UBR4: variants seen among roughly 807,000 people sequenced by gnomAD.
UBR4 encodes the protein ubiquitin protein ligase E3 component n-recognin 4, also known as E3 ubiquitin-protein ligase UBR4.
A neutral mutation model predicts 575.6 loss-of-function variants in UBR4; 124 were observed. The observed-to-expected ratio is 0.22, with a 90% CI of 0.19 to 0.25. The LOEUF (loss-of-function observed/expected upper bound fraction) is 0.25. Among genes scored for constraint, UBR4 ranks in the 10% least tolerant of loss-of-function variants. The pLI is 1.00. For missense variants in UBR4, 4,818 were observed against 6,478.8 expected (o/e 0.74, Z 8.80); for synonymous variants, 2,455 against 2,473.7 (o/e 0.99, Z 0.22).
At position 19,088,616 on chromosome 1, in the gene UBR4, T is replaced by G. The variant is rs184257706; in HGVS notation, c.14430+143A>C. On this transcript the variant is annotated intron_variant, in intron 98 of 105. Transcript: ENST00000375254. This position sits in a 1 kb window ranked among gnomAD's most constrained non-coding sequence, Gnocchi z 4.0. ...GATAGAACGATAGTAGTTCCACCTC[T>G]GAGAGGGCCGAACACACCTAGTTCC... 5.2e-5 allele frequency: 38 copies of G among 736,830 alleles called. No individual in the cohort carries two copies. In the African/African-American group the frequency reaches 6.4e-4, roughly 12 times the overall value. 45.6% of individuals were successfully genotyped at this position (736,830 alleles called of 1,614,324 possible).
In UBR4 at chr1:19,210,197, T is replaced by G; in HGVS notation, c.52A>C (p.Thr18Pro). 2 of 1,475,398 alleles carry G rather than the reference T, an allele frequency of 1.4e-6. No individual in the cohort carries two copies. Among genetic ancestry groups the G allele is most frequent in the Non-Finnish European group, 1.8e-6 (2 of 1,118,128 alleles). The allele number at this position is 1,475,398 out of a possible 1,614,324, so 91.4% of individuals were successfully genotyped here. Residue 18 changes from threonine (T) to proline (P), a missense_variant, in exon 1 of 106, where the codon ACC (threonine) becomes CCC (proline). Thr to Pro is a conservative substitution (Grantham distance 38, BLOSUM62 -1). Transcript: ENST00000375254. ...EAAAAAPAPGTPATGADTTPG... is the reference protein window; with the variant it reads ...EAAAAAPAPGPPATGADTTPG... ...GTCGTGTCCGCCCCCGTTGCCGGGGTCCCCGGCGCCGGAGCCGCTGCCGCC... is the reference window on the plus strand; with the variant it reads ...GTCGTGTCCGCCCCCGTTGCCGGGGGCCCCGGCGCCGGAGCCGCTGCCGCC...
At chr1:19,195,852 T>C (rs1208329190) in intron 8 of UBR4, among the ~76,000 whole-genome samples, 2 of 152,038 alleles carry the variant, frequency 1.3e-5, no homozygotes, top group African/African-American at 2.4e-5. Context: ...TCTTTAATGG[T>C]CTCTACTATC....
intron 1 of UBR4, among the ~76,000 whole-genome samples, chr1:19,206,670 T>C (rs1171216377): frequency 6.6e-6 from 1 of 152,170 alleles, no homozygotes; most frequent in African/African-American, 2.4e-5. Flanking sequence ...AATATTTTAG[T>C]AGCCTTTACT....
intron 103 of UBR4, 83 bp downstream of exon 103, chr1:19,081,266 C>A (rs754261604): frequency 2.7e-5 from 34 of 1,239,026 alleles, no homozygotes; most frequent in Non-Finnish European, 3.5e-5. Flanking sequence ...ATGCCTTCAC[C>A]TAGCACGTGC....
chr1:19,149,872 A>T (rs748911178), intron 49 of UBR4: 15 of 1,195,958 alleles, frequency 1.3e-5, no homozygotes, highest in African/African-American at 3.2e-5. Context: ...CATCCTAAGC[A>T]AACCATGTAT....
rs1461340666 is a variant in UBR4 at position 19,164,973 on chromosome 1, A to G, written c.4337T>C (p.Leu1446Pro). The G allele has an allele frequency of 1.2e-6, 2 of 1,613,980 alleles. No individual in the cohort carries two copies. Among genetic ancestry groups the G allele is most frequent in the African/African-American group, 1.3e-5 (1 of 74,920 alleles). ...TGCCAGGGAGCCACAGAGATGCAACAGGCTCGGGTTAGGGCTCTTCTCAGC... is the reference window on the plus strand; with the variant it reads ...TGCCAGGGAGCCACAGAGATGCAACGGGCTCGGGTTAGGGCTCTTCTCAGC... ...QLTEKSPNPS[L>P]LHLCGSLAQL... Residue 1446 changes from leucine (L) to proline (P), a missense_variant, in exon 32 of 106, where the codon CTG becomes CCG. This residue lies in a region of UBR4 where 1,172 missense variants were observed against 1,259.7 expected (regional missense o/e 0.93). Coordinates refer to ENST00000375254, the MANE Select transcript of UBR4 (RefSeq NM_020765.3).
In UBR4 at chr1:19,093,012, A is replaced by G. The variant is rs2148872575; in HGVS notation, c.14112-94T>C. Reference sequence around the variant, plus strand: ...TCTGGCTTGTTTAAACCCCCAGGGCATGATTAACCGTGACCCTCTCCGAGT... The same window carrying G: ...TCTGGCTTGTTTAAACCCCCAGGGCGTGATTAACCGTGACCCTCTCCGAGT... On this transcript the variant is annotated intron_variant, in intron 96 of 105. Transcript: ENST00000375254. The surrounding 1 kb of genome is among the most constrained non-coding windows in gnomAD (Gnocchi z 4.8). 1 of 1,153,302 alleles carries G rather than the reference A, an allele frequency of 8.7e-7. No individual in the cohort carries two copies. The highest frequency in any genetic ancestry group is 1.3e-6 in the Non-Finnish European group (1 of 793,656). The allele number at this position is 1,153,302 out of a possible 1,614,324, so 71.4% of individuals were successfully genotyped here.
At chr1:19,169,792 T>C (rs992281687) in intron 26 of UBR4, among the ~76,000 whole-genome samples, 1 of 152,216 alleles carries the variant, frequency 6.6e-6, no homozygotes, top group African/African-American at 2.4e-5. Flanking sequence ...AGAAGACAAC[T>C]GAAAATAAGA....
chr1:19,203,091 A>C (rs2092826588), intron 1 of UBR4, among the ~76,000 whole-genome samples: 1 of 152,028 alleles, frequency 6.6e-6, no homozygotes, highest in South Asian at 2.1e-4. Flanking sequence ...AGAAAAAAAA[A>C]AAGAAAGAAA....
chr1:19,149,634 A>G lies in UBR4; in HGVS notation c.7430+943T>C, dbSNP rs1050938324. 3 of 827,964 alleles carry G rather than the reference A, an allele frequency of 3.6e-6. No homozygotes were observed. The Admixed American group carries it at 1.1e-4, about 29-fold the overall frequency. The allele number at this position is 827,964 out of a possible 1,614,324, so 51.3% of individuals were successfully genotyped here. ...ACATGGACAGCTCTGTAGCCATGCAATGACCAGAACAGAAAGAAGCAGGAA... is the reference window on the plus strand; with the variant it reads ...ACATGGACAGCTCTGTAGCCATGCAGTGACCAGAACAGAAAGAAGCAGGAA... On this transcript the variant is annotated intron_variant, in intron 49 of 105. Transcript: ENST00000375254.
chr1:19,130,974 T>C (rs2082354884), intron 60 of UBR4, among the ~76,000 whole-genome samples: 1 of 152,038 alleles, frequency 6.6e-6, no homozygotes, highest in Non-Finnish European at 1.5e-5. Flanking sequence ...AGTGGCACAA[T>C]CACAGCTCCG....
chr1:19,186,595 G>A lies in UBR4; in HGVS notation c.1695C>T (p.Asp565=). Residue 565 remains aspartate, a synonymous_variant, in exon 14 of 106, where the codon GAC becomes GAT. Transcript: ENST00000375254. ...SMSSDASAST[D]SNTYYEDDFS... ...AATCGTCCTCATAGTAAGTATTGGAGTCGGTGGAGGCGCTGGCATCGCTGC... is the reference window on the plus strand; with the variant it reads ...AATCGTCCTCATAGTAAGTATTGGAATCGGTGGAGGCGCTGGCATCGCTGC... 6.2e-7 allele frequency: 1 copy of A among 1,614,176 alleles called. No homozygotes were observed. The highest frequency in any genetic ancestry group is 8.5e-7 in the Non-Finnish European group (1 of 1,180,026).
intron 60 of UBR4, among the ~76,000 whole-genome samples, chr1:19,132,605 T>TAAAAAA: frequency 0.16 from 3,819 of 23,552 alleles, 427 homozygotes; most frequent in Non-Finnish European, 0.18. Context: ...TAAAAAATGG[T>TAAAAAA]AAAAAAAAAA....
chr1:19,113,686 C>G lies in UBR4; in HGVS notation c.11457+13G>C. The G allele has an allele frequency of 6.2e-7, 1 of 1,613,934 alleles. No homozygotes were observed. Among genetic ancestry groups the G allele is most frequent in the Non-Finnish European group, 8.5e-7 (1 of 1,179,976 alleles). ...GGACAAAACACACCCAAAAGCTGCT[C>G]CCCGCTCTCTACCTGGATGATTTTG... On this transcript the variant is annotated intron_variant, in intron 77 of 105. Transcript: ENST00000375254.
chr1:19,155,018 G>C lies in UBR4; in HGVS notation c.6358C>G (p.Gln2120Glu). 6.2e-7 allele frequency: 1 copy of C among 1,614,172 alleles called. No individual in the cohort carries two copies. Among genetic ancestry groups the C allele is most frequent in the South Asian group, 1.1e-5 (1 of 91,082 alleles). ...TGACAATAGCTGAAGAACAACATCT[G>C]CAACACGTGGGAGTAGTACACGGAC... ...GVSVYYSHVL[Q>E]MLFFSYCQGK... The change falls in exon 44 of 106, where the codon CAG becomes GAG. Residue 2120 changes from glutamine (Q) to glutamate (E), a missense_variant. Gln to Glu is a conservative substitution (Grantham distance 29). Transcript: ENST00000375254.
intron 69 of UBR4, 50 bp from the exon 70 acceptor site, chr1:19,119,751 C>T (rs770866095): frequency 4.4e-6 from 7 of 1,577,064 alleles, no homozygotes; most frequent in East Asian, 2.3e-5. Context: ...AACCCTGAGG[C>T]ACCTGTGTTT....
Position 19,094,113 on chromosome 1 carries a change from C to T in UBR4, c.13773G>A (p.Lys4591=), listed in dbSNP as rs1570375478. The T allele has an allele frequency of 1.2e-6, 2 of 1,613,704 alleles. No individual in the cohort carries two copies. The highest frequency in any genetic ancestry group is 8.5e-7 in the Non-Finnish European group (1 of 1,179,940). Residue 4591 remains lysine (K), a synonymous_variant, in exon 95 of 106, where the codon AAG becomes AAA. Coordinates refer to ENST00000375254, the MANE Select transcript of UBR4 (RefSeq NM_020765.3). ...GGTCCAAGAGCATCACCAGTTGATC[C>T]TTGTCACCTGTCAGGAGGAGGTTGC... is the stretch of plus-strand genomic sequence containing the variant. ...DKGNLLLTGD[K]DQLVMLLDQI... is the part of the protein sequence containing the mutation.
chr1:19,088,625 C>T lies in UBR4; in HGVS notation c.14430+134G>A. The stretch of plus-strand genomic sequence containing the variant: ...ATAGTAGTTCCACCTCTGAGAGGGC[C>T]GAACACACCTAGTTCCTTCCTCCTA... On this transcript the variant is annotated intron_variant, in intron 98 of 105. Transcript: ENST00000375254. The surrounding 1 kb of genome is among the most constrained non-coding windows in gnomAD (Gnocchi z 4.0). 5.0e-6 allele frequency: 4 copies of T among 792,732 alleles called. No individual in the cohort carries two copies. The highest frequency in any genetic ancestry group is 2.7e-5 in the East Asian group (1 of 37,380). The allele number at this position is 792,732 out of a possible 1,614,324, so 49.1% of individuals were successfully genotyped here.
rs1313255204 is a variant in UBR4 at position 19,117,858 on chromosome 1, A to T, written c.10594T>A (p.Cys3532Ser). The T allele has an allele frequency of 6.2e-7, 1 of 1,614,238 alleles. No individual in the cohort carries two copies. The highest frequency in any genetic ancestry group is 8.5e-7 in the Non-Finnish European group (1 of 1,180,028). ...FDGYYLESDP[C>S]LVCNNPEVPF... is the part of the protein sequence containing the mutation. ...ACTTCCGGGTTATTACACACCAGGC[A>T]GGGATCGCTCTCCAGGTAATAGCCA... Residue 3532 changes from cysteine (C) to serine (S), a missense_variant, in exon 72 of 106, where the codon TGC (cysteine) becomes AGC (serine). Cys to Ser is a moderately radical substitution (Grantham distance 112). Transcript: ENST00000375254. This position sits in a 1 kb window ranked among gnomAD's most constrained non-coding sequence, Gnocchi z 4.0.
Sources: allele counts gnomAD v4.1 joint callset (sites outside exome capture counted in the v4.1 genomes callset), GRCh38; gene constraint gnomAD v4.1.1; regional missense constraint gnomAD v4.1.1; non-coding constraint Gnocchi (gnomAD v3.1); transcripts MANE v1.5; gene names NCBI Gene and HGNC (gene_info 2026-07-23, HGNC 2026-07-21).